The following LONP2 variants were observed in gnomAD, a reference collection of about 807,000 sequenced individuals.
LONP2 encodes the protein lon peptidase 2, peroxisomal.
In LONP2, 60 loss-of-function variants were observed where a neutral mutation model predicts 85.6. The ratio of observed to expected loss-of-function variants is 0.70; its 90% CI spans 0.57 to 0.87. The LOEUF (loss-of-function observed/expected upper bound fraction) is 0.87, where lower values mean the gene tolerates loss of function less well. LONP2 is among the 40% of genes least tolerant of loss of function. The pLI is 0.00. For missense variants in LONP2, 860 were observed against 1,063.5 expected (o/e 0.81, Z 2.66); for synonymous variants, 395 against 389.7 (o/e 1.01, Z -0.16).
intron 8 of LONP2, among the ~76,000 whole-genome samples, chr16:48,283,121 T>A (rs1791286332): frequency 6.6e-6 from 1 of 151,826 alleles, no homozygotes; most frequent in Admixed American, 6.6e-5. Context: ...CTGAGAGAGG[T>A]GAGAAAGCTG....
chr16:48,276,389 C>T (rs1303806686), intron 7 of LONP2, among the ~76,000 whole-genome samples: 1 of 152,188 alleles, frequency 6.6e-6, no homozygotes, highest in African/African-American at 2.4e-5. Flanking sequence ...GGCTGTTCCA[C>T]TTGTCATTGA....
intron 11 of LONP2, among the ~76,000 whole-genome samples, chr16:48,313,061 G>C (rs1352703343): frequency 4.6e-5 from 7 of 152,088 alleles, no homozygotes; most frequent in Non-Finnish European, 7.4e-5. Context: ...AGATAATCTT[G>C]GTATCTGGTA....
chr16:48,253,967 C>T (rs1451823478), intron 2 of LONP2, among the ~76,000 whole-genome samples: 3 of 152,128 alleles, frequency 2.0e-5, no homozygotes, highest in African/African-American at 7.2e-5. Context: ...TCTTTTTAGA[C>T]ATTAAAGTTA....
At chr16:48,361,991 G>C, downstream of LONP2, 1 of 1,614,088 alleles carries the variant, frequency 6.2e-7, no homozygotes, top group Non-Finnish European at 8.5e-7. Context: ...GCATCAGATG[G>C]GGCATTACAG....
In LONP2 at chr16:48,354,196, C is replaced by CTTTTTTTTTTTTTT. The variant is rs1159788312; in HGVS notation, c.*2410_*2423dup. Reference sequence around the variant, plus strand: ...GATCTAAGCATGTCCACTCTACACGCTTTTTTTTTTTTTTTTTTTTTTTTT... The same window carrying CTTTTTTTTTTTTTT: ...GATCTAAGCATGTCCACTCTACACGCTTTTTTTTTTTTTTTTTTTTTTTTTTTTTTTTTTTTTTT... On this transcript the variant is annotated 3_prime_UTR_variant, in exon 15 of 15. Transcript: ENST00000285737. 4 of 46,200 alleles carry CTTTTTTTTTTTTTT rather than the reference C, an allele frequency of 8.7e-5. 1 individual carries two copies. Among genetic ancestry groups the CTTTTTTTTTTTTTT allele is most frequent in the African/African-American group, 1.9e-4 (2 of 10,576 alleles). 2.9% of individuals were successfully genotyped at this position (46,200 alleles called of 1,614,324 possible).
intron 10 of LONP2, 123 bp from the exon 11 acceptor site, chr16:48,303,049 T>C: frequency 4.3e-6 from 4 of 940,570 alleles, no homozygotes; most frequent in Non-Finnish European, 6.3e-6. Flanking sequence ...GAAAAGTTAG[T>C]ACTCAAGAAA....
Position 48,244,382 on chromosome 16 carries a change from T to C in LONP2, c.-7T>C. On this transcript the variant is annotated 5_prime_UTR_variant, in exon 1 of 15. Transcript: ENST00000285737. ...TTTGACAGCCCCCAGTGCGAAAGGC[T>C]GCCAGCATGTCATCAGTGAGCCCCA... 6.5e-7 allele frequency: 1 copy of C among 1,534,866 alleles called. No homozygotes were observed. Among genetic ancestry groups the C allele is most frequent in the Non-Finnish European group, 8.7e-7 (1 of 1,144,392 alleles).
At chr16:48,255,366 A>G (rs1305637867) in intron 2 of LONP2, among the ~76,000 whole-genome samples, 1 of 152,160 alleles carries the variant, frequency 6.6e-6, no homozygotes, top group Non-Finnish European at 1.5e-5. Flanking sequence ...CACTTCCACT[A>G]CGTTTCATGG....
chr16:48,308,284 A>G (rs1265923899), intron 11 of LONP2, among the ~76,000 whole-genome samples: 3 of 152,188 alleles, frequency 2.0e-5, no homozygotes, highest in Admixed American at 6.5e-5. Context: ...TTGGATAGCC[A>G]TCTGCAGAAA....
At chr16:48,347,387 A>G (rs1959998662) in intron 12 of LONP2, 120 bp from the exon 13 acceptor site, 1 of 866,278 alleles carries the variant, frequency 1.2e-6, no homozygotes, top group Non-Finnish European at 1.9e-6. Flanking sequence ...TTAGGTAACA[A>G]GGACTTTGAG....
At chr16:48,261,699 C>T (rs77155061) in intron 5 of LONP2, 112 bp downstream of exon 5, 15,294 of 764,656 alleles carry the variant, frequency 0.02, 250 homozygotes, top group Non-Finnish European at 0.024. Context: ...ACAAATCTTC[C>T]ACCTGCAGTG....
intron 14 of LONP2, among the ~76,000 whole-genome samples, 181 bp downstream of exon 14, chr16:48,348,471 A>C (rs1960039792): frequency 6.7e-6 from 1 of 149,874 alleles, no homozygotes. Flanking sequence ...AAAAACTGAC[A>C]ATTTTTCACA....
chr16:48,306,783 A>T (rs561588714), intron 11 of LONP2, among the ~76,000 whole-genome samples: 1 of 152,358 alleles, frequency 6.6e-6, no homozygotes, highest in East Asian at 1.9e-4. Flanking sequence ...CCAAGTTCAA[A>T]TGGAGCTTAG....
At chr16:48,265,162 AG>A (rs1971964544) in intron 6 of LONP2, among the ~76,000 whole-genome samples, 2 of 152,172 alleles carry the variant, frequency 1.3e-5, no homozygotes, top group South Asian at 4.1e-4. Context: ...GCTGTTACAT[AG>A]GTTGCCTTCT....
rs191788750 is a variant in LONP2 at position 48,267,519 on chromosome 16, C to T, written c.983-2497C>T. On this transcript the variant is annotated intron_variant, in intron 6 of 14. Transcript: ENST00000285737. ...TTCACTACATTGGCCAGGCTGGTCT[C>T]GAACTTCTGGCCTCAAGTGATCTGC... Among the ~76,000 whole-genome samples the T allele has an allele frequency of 3.9e-3, 601 of 152,210 alleles. 3 individuals are homozygous for T. Among genetic ancestry groups the T allele is most frequent in the Non-Finnish European group, 6.9e-3 (467 of 67,998 alleles).
intron 12 of LONP2, among the ~76,000 whole-genome samples, chr16:48,338,650 G>A (rs572194049): frequency 6.6e-6 from 1 of 152,302 alleles, no homozygotes; most frequent in East Asian, 1.9e-4. Flanking sequence ...GCTCATGCCT[G>A]TAATCCCAGC....
At chr16:48,272,938 A>G (rs781256414) in intron 7 of LONP2, among the ~76,000 whole-genome samples, 9 of 152,168 alleles carry the variant, frequency 5.9e-5, no homozygotes, top group Non-Finnish European at 1.0e-4. Flanking sequence ...TTGAAGGTGA[A>G]TAGGAGGAGG....
rs544193332 is a variant in LONP2 at position 48,286,941 on chromosome 16, C to T, written c.1384-9074C>T. ...CAGATATATAATTGAATAATATAAC[C>T]TTAAGGGTTTTTTGTTTGTGCTGTT... On this transcript the variant is annotated intron_variant, in intron 8 of 14. Transcript: ENST00000285737. 3.4e-4 allele frequency among the ~76,000 whole-genome samples: 52 copies of T among 151,794 alleles called. 1 individual carries two copies. In the South Asian group the frequency reaches 0.011, roughly 31 times the overall value.
At chr16:48,302,076 A>G (rs946599519) in intron 10 of LONP2, among the ~76,000 whole-genome samples, 3 of 152,228 alleles carry the variant, frequency 2.0e-5, no homozygotes, top group African/African-American at 7.2e-5. Context: ...ATATTATTTT[A>G]TGACTGTATC....
Sources: allele counts gnomAD v4.1 joint callset (sites outside exome capture counted in the v4.1 genomes callset), GRCh38; gene constraint gnomAD v4.1.1; transcripts MANE v1.5; gene names NCBI Gene and HGNC (gene_info 2026-07-23, HGNC 2026-07-21).